RNF144B: variants seen among roughly 807,000 people sequenced by gnomAD.
RNF144B encodes ring finger protein 144B.
RNF144B carries 25 observed loss-of-function variants against 40.2 expected under a neutral mutation model. The ratio of observed to expected loss-of-function variants is 0.62; its 90% CI spans 0.45 to 0.87. The LOEUF (loss-of-function observed/expected upper bound fraction) is 0.87, where lower values mean the gene tolerates loss of function less well. Ranked by LOEUF, RNF144B falls within the 40% of genes least tolerant of loss-of-function variation. The pLI is 0.00. For synonymous variants in RNF144B, 145 were observed against 136.3 expected (o/e 1.06, Z -0.44); for missense variants, 365 against 373.7 (o/e 0.98, Z 0.19).
intron 1 of RNF144B, among the ~76,000 whole-genome samples, chr6:18,391,086 GA>G (rs928199187): frequency 3.9e-5 from 6 of 151,930 alleles, no homozygotes; most frequent in Non-Finnish European, 1.5e-5. Flanking sequence ...TTATTCATTT[GA>G]AAAAAAATTT....
At position 18,444,511 on chromosome 6, in the gene RNF144B, G is replaced by T. The variant is rs191860481; in HGVS notation, c.331+4767G>T. ...AAGATGATCCATCTTGAGTTCTTAC[G>T]CACTTTTCCTTTTTTTGTGACCCTG... On this transcript the variant is annotated intron_variant, in intron 4 of 7. Transcript: ENST00000259939. The surrounding 1 kb of genome is among the most constrained non-coding windows in gnomAD (Gnocchi z 4.3). Among the ~76,000 whole-genome samples the T allele has an allele frequency of 5.9e-5, 9 of 151,968 alleles. No homozygotes were observed. Among genetic ancestry groups the T allele is most frequent in the Admixed American group, 5.9e-4 (9 of 15,254 alleles).
chr6:18,421,271 T>TACACACACACACACAC, intron 2 of RNF144B, among the ~76,000 whole-genome samples: 1 of 131,010 alleles, frequency 7.6e-6, no homozygotes, highest in East Asian at 2.1e-4. Context: ...AATTATATAT[T>TACACACACACACACAC]ATACACACAC....
In RNF144B at chr6:18,418,120, C is replaced by G. The variant is rs1795181035; in HGVS notation, c.166-9461C>G. ...ATGAGAATTTAAAGAAGTTGAAACTCTCATACACTGCTGGTGGGAATGGAA... is the reference window on the plus strand; with the variant it reads ...ATGAGAATTTAAAGAAGTTGAAACTGTCATACACTGCTGGTGGGAATGGAA... On this transcript the variant is annotated intron_variant, in intron 2 of 7. Transcript: ENST00000259939. This position sits in a 1 kb window ranked among gnomAD's most constrained non-coding sequence, Gnocchi z 5.2. Among the ~76,000 whole-genome samples, 1 of 152,136 alleles carries G rather than the reference C, an allele frequency of 6.6e-6. No homozygotes were observed. Among genetic ancestry groups the G allele is most frequent in the African/African-American group, 2.4e-5 (1 of 41,424 alleles).
chr6:18,392,593 G>C (rs1193453385), intron 1 of RNF144B, among the ~76,000 whole-genome samples: 1 of 152,080 alleles, frequency 6.6e-6, no homozygotes, highest in Non-Finnish European at 1.5e-5. Flanking sequence ...AAATGACGAT[G>C]TTAAAACTAA....
intron 2 of RNF144B, among the ~76,000 whole-genome samples, chr6:18,408,168 A>G (rs1163052341): frequency 6.6e-6 from 1 of 151,760 alleles, no homozygotes; most frequent in Non-Finnish European, 1.5e-5. Flanking sequence ...TACTTTTAAT[A>G]GAGATGGGGT....
rs1415238964 is a variant in RNF144B at position 18,467,379 on chromosome 6, A to G, written c.*2312A>G. 7.0e-6 allele frequency: 1 copy of G among 143,176 alleles called. No individual in the cohort carries two copies. The allele number at this position is 143,176 out of a possible 1,614,324, so 8.9% of individuals were successfully genotyped here. A position where few individuals can be genotyped will look rare whatever the true frequency, so the allele number is the denominator to read the frequency against. On this transcript the variant is annotated 3_prime_UTR_variant, in exon 8 of 8. Transcript: ENST00000259939. ...GAATTTGCCACCTTACAGAGTTTGT[A>G]TCACTGAATTAGCTGCTTTTGTTTT... is the stretch of plus-strand genomic sequence containing the variant.
chr6:18,427,332 A>T (rs1472248786), intron 2 of RNF144B, among the ~76,000 whole-genome samples: 1 of 152,134 alleles, frequency 6.6e-6, no homozygotes, highest in African/African-American at 2.4e-5. Context: ...GGTGGCTGAA[A>T]TGTGTGAGCA....
At position 18,446,349 on chromosome 6, in the gene RNF144B, C is replaced by T. The variant is rs1759082294; in HGVS notation, c.331+6605C>T. ...CTCTTCTAGGAGCTGAGCTGAAGGG[C>T]ATTGTGAAGTGTAGGTGCCATGCTG... On this transcript the variant is annotated intron_variant, in intron 4 of 7. Coordinates refer to ENST00000259939, the MANE Select transcript of RNF144B (RefSeq NM_182757.4). This position sits in a 1 kb window ranked among gnomAD's most constrained non-coding sequence, Gnocchi z 4.7. Among the ~76,000 whole-genome samples the T allele has an allele frequency of 6.6e-6, 1 of 152,126 alleles. No homozygotes were observed. Among genetic ancestry groups the T allele is most frequent in the African/African-American group, 2.4e-5 (1 of 41,436 alleles).
chr6:18,399,876 T>C (rs1794765787), intron 2 of RNF144B, among the ~76,000 whole-genome samples, 177 bp downstream of exon 2: 1 of 152,194 alleles, frequency 6.6e-6, no homozygotes, highest in Non-Finnish European at 1.5e-5. Context: ...AAATCCTGGG[T>C]TTACTTGTTT....
Position 18,459,652 on chromosome 6 carries a change from A to G in RNF144B, c.582A>G (p.Pro194=), listed in dbSNP as rs1461223250. The change falls in exon 6 of 8, where the codon CCA becomes CCG. Residue 194 remains proline, a synonymous_variant. Transcript: ENST00000259939. The surrounding 1 kb of genome is among the most constrained non-coding windows in gnomAD (Gnocchi z 4.2). ...TDAEAPIKQC[P]VCRVYIERNE... is the part of the protein sequence containing the mutation. ...CAGAAGCCCCCATTAAGCAGTGCCC[A>G]GTTTGCCGGGTTTATATCGAACGCA... 4.3e-6 allele frequency: 7 copies of G among 1,614,090 alleles called. No homozygotes were observed. In the South Asian group the frequency reaches 6.6e-5, roughly 15 times the overall value.
Position 18,425,574 on chromosome 6 carries a change from G to A in RNF144B, c.166-2007G>A, listed in dbSNP as rs760769876. On this transcript the variant is annotated intron_variant, in intron 2 of 7. Transcript: ENST00000259939. The surrounding 1 kb of genome is among the most constrained non-coding windows in gnomAD (Gnocchi z 4.2). ...CTGCTGCTGCTGGATACCATGTTTG[G>A]CACAGTAAATCCTAGAGCAAGTGAT... is the stretch of plus-strand genomic sequence containing the variant. 2.6e-4 allele frequency among the ~76,000 whole-genome samples: 39 copies of A among 152,052 alleles called. No individual in the cohort carries two copies. The highest frequency in any genetic ancestry group is 5.0e-4 in the Non-Finnish European group (34 of 68,020).
At chr6:18,455,944 A>G (rs1759314937) in intron 4 of RNF144B, among the ~76,000 whole-genome samples, 1 of 150,894 alleles carries the variant, frequency 6.6e-6, no homozygotes, top group Non-Finnish European at 1.5e-5. Context: ...TTTTTTTGAG[A>G]CGGAGTCTTG....
At chr6:18,436,945 A>G (rs774307001) in intron 3 of RNF144B, among the ~76,000 whole-genome samples, 94 of 152,056 alleles carry the variant, frequency 6.2e-4, no homozygotes, top group Non-Finnish European at 1.2e-3. Flanking sequence ...CCAAAAATAT[A>G]ATAGAAATAT....
rs755915631 is a variant in RNF144B at position 18,416,503 on chromosome 6, G to A, written c.166-11078G>A. Among the ~76,000 whole-genome samples the A allele has an allele frequency of 2.6e-5, 4 of 152,142 alleles. No individual in the cohort carries two copies. The highest frequency in any genetic ancestry group is 5.9e-5 in the Non-Finnish European group (4 of 68,020). ...ATGATCATTTGAGATAAAGATAGAC[G>A]TGTTTGATCACTCTTGGTTGGTGGG... On this transcript the variant is annotated intron_variant, in intron 2 of 7. Coordinates refer to ENST00000259939, the MANE Select transcript of RNF144B (RefSeq NM_182757.4). This position sits in a 1 kb window ranked among gnomAD's most constrained non-coding sequence, Gnocchi z 5.5.
intron 3 of RNF144B, among the ~76,000 whole-genome samples, chr6:18,438,495 T>C (rs1046002577): frequency 4.6e-5 from 7 of 152,208 alleles, no homozygotes; most frequent in Non-Finnish European, 1.0e-4. Context: ...TACCACACTT[T>C]ACTTGGAATG....
rs1424719126 is a variant in RNF144B at position 18,442,090 on chromosome 6, T to C, written c.331+2346T>C. On this transcript the variant is annotated intron_variant, in intron 4 of 7. Transcript: ENST00000259939. The surrounding 1 kb of genome is among the most constrained non-coding windows in gnomAD (Gnocchi z 4.3). Reference sequence around the variant, plus strand: ...AGTTAATTGGCAACATCCATCGTTATGTGGGGCAAGGTAGATGTGGAAAAT... The same window carrying C: ...AGTTAATTGGCAACATCCATCGTTACGTGGGGCAAGGTAGATGTGGAAAAT... Among the ~76,000 whole-genome samples the C allele has an allele frequency of 2.0e-5, 3 of 152,348 alleles. No homozygotes were observed. Among genetic ancestry groups the C allele is most frequent in the East Asian group, 3.9e-4 (2 of 5,186 alleles).
chr6:18,407,653 G>A (rs540940231), intron 2 of RNF144B, among the ~76,000 whole-genome samples: 44 of 152,072 alleles, frequency 2.9e-4, no homozygotes, highest in Admixed American at 5.2e-4. Flanking sequence ...AACTATTAGC[G>A]TTACTTCCAC....
rs1356699403 is a variant in RNF144B at position 18,460,641 on chromosome 6, T to C, written c.681+890T>C. The stretch of plus-strand genomic sequence containing the variant: ...GCTCTCACTCGCTCTCTCTCTCTCT[T>C]GTTCATGAGCATGCAGCAGTATCGC... On this transcript the variant is annotated intron_variant, in intron 6 of 7. Transcript: ENST00000259939. This position sits in a 1 kb window ranked among gnomAD's most constrained non-coding sequence, Gnocchi z 4.4. 1.3e-5 allele frequency among the ~76,000 whole-genome samples: 2 copies of C among 152,188 alleles called. No individual in the cohort carries two copies. The highest frequency in any genetic ancestry group is 1.9e-4 in the East Asian group (1 of 5,174).
chr6:18,463,493 G>T (rs1759513916), intron 7 of RNF144B, 113 bp downstream of exon 7: 2 of 693,178 alleles, frequency 2.9e-6, no homozygotes, highest in Middle Eastern at 4.8e-4. Flanking sequence ...CCCAGCCTGG[G>T]AGCTTCTGGG....
Sources: gnomAD v4.1 joint callset for allele counts (sites outside exome capture counted in the v4.1 genomes callset) on GRCh38, gnomAD v4.1.1 for gene constraint, Gnocchi (gnomAD v3.1) non-coding constraint, MANE v1.5 for transcripts, NCBI Gene and HGNC (gene_info 2026-07-23, HGNC 2026-07-21) for gene names.